The following CARMIL1 variants were observed in gnomAD, a reference collection of about 807,000 sequenced individuals.
CARMIL1 encodes F-actin-uncapping protein LRRC16A.
CARMIL1 carries 90 observed loss-of-function variants against 177.1 expected under a neutral mutation model. That is an observed-to-expected ratio of 0.51 (90% confidence interval 0.43 to 0.61). CARMIL1 has a LOEUF of 0.61. Among genes scored for constraint, CARMIL1 ranks in the 20% least tolerant of loss-of-function variants. The pLI is 0.00. For missense variants in CARMIL1, 1,380 were observed against 1,667.0 expected, an observed-to-expected ratio of 0.83 and a Z score of 3.00; for synonymous variants, 577 against 606.2, an observed-to-expected ratio of 0.95 and a Z score of 0.71.
intron 2 of CARMIL1, among the ~76,000 whole-genome samples, chr6:25,291,660 C>T (rs1781977552): frequency 6.6e-6 from 1 of 151,472 alleles, no homozygotes; most frequent in African/African-American, 2.4e-5. Context: ...TTTTTTTTTT[C>T]ATGGAACCCA....
At chr6:25,485,300 A>C (rs1582111929) in intron 12 of CARMIL1, among the ~76,000 whole-genome samples, 1 of 152,258 alleles carries the variant, frequency 6.6e-6, no homozygotes, top group African/African-American at 2.4e-5. Flanking sequence ...CGTTGCCTGT[A>C]CCCTTTACAA....
chr6:25,571,932 C>G (rs1330208505), intron 29 of CARMIL1, among the ~76,000 whole-genome samples: 1 of 152,116 alleles, frequency 6.6e-6, no homozygotes, highest in African/African-American at 2.4e-5. Context: ...AGACATTACC[C>G]TATATAATGA....
At chr6:25,454,115 T>G (rs1216304661) in intron 8 of CARMIL1, among the ~76,000 whole-genome samples, 1 of 152,230 alleles carries the variant, frequency 6.6e-6, no homozygotes, top group Admixed American at 6.5e-5. Context: ...ATTTACTAAT[T>G]CCTTAGTTGG....
chr6:25,549,053 C>G (rs1383009888), intron 26 of CARMIL1, among the ~76,000 whole-genome samples: 1 of 152,176 alleles, frequency 6.6e-6, no homozygotes, highest in East Asian at 1.9e-4. Flanking sequence ...ATGCCTAAGA[C>G]AGGCTAAAAT....
chr6:25,532,424 T>G (rs970275879), intron 24 of CARMIL1, among the ~76,000 whole-genome samples: 1 of 152,236 alleles, frequency 6.6e-6, no homozygotes, highest in Admixed American at 6.5e-5. Context: ...ATCTGAGTTA[T>G]GTAGTAGGTA....
chr6:25,410,687 C>T (rs1298883916), intron 2 of CARMIL1, among the ~76,000 whole-genome samples: 3 of 152,188 alleles, frequency 2.0e-5, no homozygotes, highest in Non-Finnish European at 4.4e-5. Context: ...TCCACGAGGG[C>T]AGCCAGAGGA....
At chr6:25,373,415 G>A (rs549040123) in intron 2 of CARMIL1, among the ~76,000 whole-genome samples, 4 of 125,916 alleles carry the variant, frequency 3.2e-5, no homozygotes, top group Non-Finnish European at 6.6e-5. Flanking sequence ...TTTTTGGTCT[G>A]TTCAGGATTT....
intron 2 of CARMIL1, among the ~76,000 whole-genome samples, chr6:25,379,698 C>T (rs4711082): frequency 0.63 from 96,004 of 151,930 alleles, 30,872 homozygotes; most frequent in African/African-American, 0.73. Flanking sequence ...CTTCACATTG[C>T]CTTCCTTGAG....
chr6:25,491,232 A>G (rs1803199998), intron 13 of CARMIL1, among the ~76,000 whole-genome samples: 1 of 152,224 alleles, frequency 6.6e-6, no homozygotes, highest in South Asian at 2.1e-4. Context: ...CTGCCAAGCC[A>G]TTCTTGTTAG....
At chr6:25,354,780 G>A (rs1255830310) in intron 2 of CARMIL1, among the ~76,000 whole-genome samples, 1 of 152,192 alleles carries the variant, frequency 6.6e-6, no homozygotes, top group Non-Finnish European at 1.5e-5. Flanking sequence ...CTTTTCCAAC[G>A]TTTCTGGTGA....
At chr6:25,556,917 T>TTG in intron 29 of CARMIL1, 67 bp downstream of exon 29, 1 of 1,476,952 alleles carries the variant, frequency 6.8e-7, no homozygotes, top group Non-Finnish European at 9.1e-7. Context: ...TTTTTTTTTT[T>TTG]TTTTAAATCT....
chr6:25,510,885 A>G (rs1805393757), intron 20 of CARMIL1, 123 bp downstream of exon 20: 1 of 631,952 alleles, frequency 1.6e-6, no homozygotes, highest in Non-Finnish European at 2.7e-6. Context: ...ATTTTCCATT[A>G]CTTTTTAAAA....
chr6:25,478,673 G>A (rs374828452), intron 11 of CARMIL1, among the ~76,000 whole-genome samples: 5 of 152,080 alleles, frequency 3.3e-5, no homozygotes, highest in African/African-American at 1.2e-4. Flanking sequence ...GCACGTGCCT[G>A]TAGTCTCAGC....
At chr6:25,281,960 C>A (rs887771819) in intron 1 of CARMIL1, among the ~76,000 whole-genome samples, 1 of 151,652 alleles carries the variant, frequency 6.6e-6, no homozygotes, top group African/African-American at 2.4e-5. Flanking sequence ...ACTAAAAATA[C>A]AAAAATTAGC....
chr6:25,599,963 T>C (rs6903257), intron 32 of CARMIL1, among the ~76,000 whole-genome samples: 124,396 of 151,900 alleles, frequency 0.82, 51,294 homozygotes, highest in East Asian at 0.95. Flanking sequence ...TGGATTGTTT[T>C]AAGATTACCC....
intron 2 of CARMIL1, among the ~76,000 whole-genome samples, chr6:25,302,744 A>G (rs1782962167): frequency 6.6e-6 from 1 of 152,216 alleles, no homozygotes; most frequent in Non-Finnish European, 1.5e-5. Context: ...AGAATGGCCA[A>G]CTGCAAACAG....
chr6:25,559,689 T>G (rs1310096324), intron 29 of CARMIL1, among the ~76,000 whole-genome samples: 2 of 152,214 alleles, frequency 1.3e-5, no homozygotes, highest in Non-Finnish European at 2.9e-5. Flanking sequence ...AAAGGAACTT[T>G]GACACATCAC....
intron 2 of CARMIL1, among the ~76,000 whole-genome samples, chr6:25,340,777 G>GTTGTTTTTT (rs1786823107): frequency 1.2e-5 from 1 of 86,136 alleles, no homozygotes; most frequent in Non-Finnish European, 2.3e-5. Flanking sequence ...GTCAATGAAG[G>GTTGTTTTTT]TTTTTTTTTT....
intron 2 of CARMIL1, among the ~76,000 whole-genome samples, chr6:25,373,496 T>C (rs1053940438): frequency 6.6e-6 from 1 of 151,916 alleles, no homozygotes; most frequent in Non-Finnish European, 1.5e-5. Flanking sequence ...GTAGATTTTC[T>C]AGTTTGTTTG....
Sources: gnomAD v4.1 joint callset for allele counts (sites outside exome capture counted in the v4.1 genomes callset) on GRCh38, gnomAD v4.1.1 for gene constraint, MANE v1.5 for transcripts, NCBI Gene and HGNC (gene_info 2026-07-23, HGNC 2026-07-21) for gene names.